Variants in EPB41L5 observed in about 807,000 individuals in gnomAD.
The protein encoded by EPB41L5 is band 4.1-like protein 5.
EPB41L5 carries 55 observed loss-of-function variants against 106.6 expected under a neutral mutation model. The observed-to-expected ratio is 0.52, with a 90% CI of 0.42 to 0.65. The LOEUF is 0.65. EPB41L5 is among the 30% of genes least tolerant of loss of function. EPB41L5 has a pLI of 0.00. For missense variants in EPB41L5, 871 were observed against 882.1 expected, an observed-to-expected ratio of 0.99 and a Z score of 0.16; for synonymous variants, 297 against 306.7, an observed-to-expected ratio of 0.97 and a Z score of 0.33.
chr2:120,148,761 A>T (rs561574002), intron 20 of EPB41L5, among the ~76,000 whole-genome samples: 1 of 152,194 alleles, frequency 6.6e-6, no homozygotes, highest in Non-Finnish European at 1.5e-5. Flanking sequence ...ATATCAGTTG[A>T]TGGACATTTG....
Position 120,074,078 on chromosome 2 carries a change from CTTT to C in EPB41L5, c.329-12_329-10del. The C allele has an allele frequency of 4.0e-6, 5 of 1,246,306 alleles. No homozygotes were observed. Among genetic ancestry groups the C allele is most frequent in the Non-Finnish European group, 5.6e-6 (5 of 900,614 alleles). 77.2% of individuals were successfully genotyped at this position (1,246,306 alleles called of 1,614,324 possible). On this transcript the variant is annotated intron_variant, in intron 4 of 24. Coordinates refer to ENST00000263713, the MANE Select transcript of EPB41L5 (RefSeq NM_020909.4). ...TTTAAGTAGTTTATTTTATTAAAAC[CTTT>C]TTTTTTTTTAAATGACAGTTGGTTC...
At chr2:120,104,049 CA>C in intron 16 of EPB41L5, 4 of 1,525,324 alleles carry the variant, frequency 2.6e-6, no homozygotes, top group Non-Finnish European at 3.5e-6. Flanking sequence ...TCCCACTCCC[CA>C]ACCATCCAGG....
At chr2:120,164,595 G>A (rs1687307408) in intron 21 of EPB41L5, among the ~76,000 whole-genome samples, 1 of 152,288 alleles carries the variant, frequency 6.6e-6, no homozygotes, top group Non-Finnish European at 1.5e-5. Context: ...TACCAAAGGA[G>A]AATAGCTATT....
chr2:120,055,481 A>ATTTTTTTT (rs34856540), intron 3 of EPB41L5, among the ~76,000 whole-genome samples: 18 of 85,546 alleles, frequency 2.1e-4, no homozygotes, highest in South Asian at 4.2e-4. Flanking sequence ...TAGGTTTTTA[A>ATTTTTTTT]TTTTTTTTTT....
At chr2:120,027,437 G>T (rs949949825) in intron 2 of EPB41L5, among the ~76,000 whole-genome samples, 2 of 152,244 alleles carry the variant, frequency 1.3e-5, no homozygotes, top group Admixed American at 6.5e-5. Flanking sequence ...AGTCACAAAA[G>T]ACCATGTGAT....
chr2:120,100,997 G>A (rs1267360155), intron 16 of EPB41L5, among the ~76,000 whole-genome samples, 183 bp downstream of exon 16: 1 of 152,164 alleles, frequency 6.6e-6, no homozygotes, highest in East Asian at 1.9e-4. Context: ...GTGATAAAGG[G>A]AGTGCAGTTG....
At chr2:120,134,023 C>T (rs1685817172) in intron 18 of EPB41L5, among the ~76,000 whole-genome samples, 1 of 152,090 alleles carries the variant, frequency 6.6e-6, no homozygotes, top group East Asian at 1.9e-4. Flanking sequence ...AACCTGCTGT[C>T]TTGAGGGAAA....
chr2:120,145,428 A>G (rs547773729), intron 19 of EPB41L5, among the ~76,000 whole-genome samples: 60 of 152,344 alleles, frequency 3.9e-4, no homozygotes, highest in African/African-American at 1.4e-3. Flanking sequence ...GCTCTAAAGA[A>G]GCAGATGGAA....
intron 3 of EPB41L5, among the ~76,000 whole-genome samples, chr2:120,058,116 G>GAGTA (rs1307569107): frequency 6.6e-6 from 1 of 151,986 alleles, no homozygotes; most frequent in Admixed American, 6.6e-5. Flanking sequence ...AAGAAATATG[G>GAGTA]TTTCTCTCAT....
chr2:120,077,211 C>T lies in EPB41L5; in HGVS notation c.627-18C>T, dbSNP rs186511603. 3 of 1,594,344 alleles carry T rather than the reference C, an allele frequency of 1.9e-6. No homozygotes were observed. The African/African-American group carries it at 4.1e-5, about 22-fold the overall frequency. ...TTATATTTATTGTTACTTTAAAAAT[C>T]ATTGTTTTAAATTTCAGAGGTCAAA... On this transcript the variant is annotated intron_variant, in intron 8 of 24. Transcript: ENST00000263713.
At chr2:120,163,095 T>G (rs1023897731) in intron 21 of EPB41L5, among the ~76,000 whole-genome samples, 13 of 152,064 alleles carry the variant, frequency 8.5e-5, no homozygotes, top group Admixed American at 5.2e-4. Flanking sequence ...CTACAAAAAA[T>G]TTTTTAAAAA....
intron 20 of EPB41L5, among the ~76,000 whole-genome samples, chr2:120,153,879 A>C (rs1686785273): frequency 6.6e-6 from 1 of 152,166 alleles, no homozygotes; most frequent in Non-Finnish European, 1.5e-5. Context: ...CAATCTATTC[A>C]CATCTTTGGA....
chr2:120,013,728 A>G (rs1283143300), intron 1 of EPB41L5: 1 of 152,054 alleles, frequency 6.6e-6, no homozygotes, highest in East Asian at 1.9e-4. Flanking sequence ...CCCCGCCCCC[A>G]CCCGGGACGG....
intron 16 of EPB41L5, among the ~76,000 whole-genome samples, chr2:120,116,389 A>G (rs1684949020): frequency 6.6e-6 from 1 of 152,192 alleles, no homozygotes; most frequent in Non-Finnish European, 1.5e-5. Flanking sequence ...GAAGGAGGTA[A>G]TTGAGTCTTC....
chr2:120,162,293 AG>A (rs1300009166), intron 21 of EPB41L5, among the ~76,000 whole-genome samples: 1 of 152,256 alleles, frequency 6.6e-6, no homozygotes, highest in African/African-American at 2.4e-5. Context: ...CAGAAATCAT[AG>A]AAACCCAGTT....
chr2:120,106,878 A>T, intron 16 of EPB41L5: 1 of 981,422 alleles, frequency 1.0e-6, no homozygotes, highest in Non-Finnish European at 1.2e-6. Flanking sequence ...ACATACTTTT[A>T]AATGAATTTA....
rs751441840 is a variant in EPB41L5, at chr2:120,074,070, ATTAAAACCTTTTTTTTTTT to A, written c.329-28_329-10del. On this transcript the variant is annotated splice_polypyrimidine_tract_variant and intron_variant, in intron 4 of 24. Coordinates refer to ENST00000263713, the MANE Select transcript of EPB41L5 (RefSeq NM_020909.4). ...AAGTATTATTTAAGTAGTTTATTTT[ATTAAAACCTTTTTTTTTTT>A]TAAATGACAGTTGGTTCACCCTATT... 6.6e-7 allele frequency: 1 copy of A among 1,517,062 alleles called. No individual in the cohort carries two copies. Among genetic ancestry groups the A allele is most frequent in the Non-Finnish European group, 9.0e-7 (1 of 1,111,384 alleles). 94.0% of individuals were successfully genotyped at this position (1,517,062 alleles called of 1,614,324 possible).
chr2:120,082,264 A>G (rs551798423), intron 10 of EPB41L5, among the ~76,000 whole-genome samples: 1 of 152,134 alleles, frequency 6.6e-6, no homozygotes. Flanking sequence ...AATAGCTCTT[A>G]TTATTTTGAG....
chr2:120,096,851 T>C (rs1313316743), intron 14 of EPB41L5, among the ~76,000 whole-genome samples: 2 of 152,152 alleles, frequency 1.3e-5, no homozygotes, highest in African/African-American at 2.4e-5. Context: ...CCTTTGAAGC[T>C]ATTTTGTTTA....
Sources: allele counts gnomAD v4.1 joint callset (sites outside exome capture counted in the v4.1 genomes callset), GRCh38; gene constraint gnomAD v4.1.1; transcripts MANE v1.5; gene names NCBI Gene and HGNC (gene_info 2026-07-23, HGNC 2026-07-21).